MYH3: variants seen among roughly 807,000 people sequenced by gnomAD.
MYH3 encodes myosin heavy chain 3.
A neutral mutation model predicts 238.0 loss-of-function variants in MYH3; 130 were observed. The ratio of observed to expected loss-of-function variants is 0.55; its 90% CI spans 0.47 to 0.63. The LOEUF is 0.63. MYH3 is among the 30% of genes least tolerant of loss of function. The pLI is 0.00. For synonymous variants in MYH3, 880 were observed against 924.1 expected (o/e 0.95, Z 0.86); for missense variants, 1,853 against 2,374.9 (o/e 0.78, Z 4.57).
At chr17:10,677,427 A>G in the MYH3 span, 1 of 152,260 alleles carries the variant, frequency 6.6e-6, no homozygotes. Flanking sequence ...ACACATACAC[A>G]AAGATTTAAA....
rs144354717 is a variant in MYH3, at chr17:10,648,845, T to C, written c.643-196A>G. ...CATGCACTACCATGCCCGGCTAATTTTGTATTTTTAGTAGAGATGGGGTTT... is the reference window on the plus strand; with the variant it reads ...CATGCACTACCATGCCCGGCTAATTCTGTATTTTTAGTAGAGATGGGGTTT... On this transcript the variant is annotated intron_variant, in intron 7 of 40. Transcript: ENST00000583535. Among the ~76,000 whole-genome samples the C allele has an allele frequency of 1.8e-3, 269 of 152,178 alleles. 3 individuals are homozygous for C. The highest frequency in any genetic ancestry group is 5.9e-3 in the African/African-American group (244 of 41,514).
the MYH3 span, among the ~76,000 whole-genome samples, chr17:10,663,271 A>G: frequency 6.6e-6 from 1 of 152,208 alleles, no homozygotes; most frequent in Non-Finnish European, 1.5e-5. Context: ...ATATTCCTCC[A>G]AATGAACTGT....
chr17:10,633,612 C>G lies in MYH3; in HGVS notation c.4626G>C (p.Gln1542His), dbSNP rs778304936. The stretch of plus-strand genomic sequence containing the variant: ...TCACCTCTGCTTCCTCGAGAGCCAG[C>G]TGGATATCAGCCTTTTCCAGCTCAA... ...KQIELEKADIQLALEEAEAAL... is the reference protein window; with the variant it reads ...KQIELEKADIHLALEEAEAAL... The change falls in exon 33 of 41, where the codon CAG becomes CAC. Residue 1542 changes from glutamine to histidine, a missense_variant. Physicochemically the swap from Gln to His is conservative, Grantham distance 24. Coordinates refer to ENST00000583535, the MANE Select transcript of MYH3 (RefSeq NM_002470.4). 3 of 1,613,670 alleles carry G rather than the reference C, an allele frequency of 1.9e-6. No homozygotes were observed. The highest frequency in any genetic ancestry group is 8.5e-7 in the Non-Finnish European group (1 of 1,179,924).
chr17:10,638,930 T>C lies in MYH3; in HGVS notation c.3282A>G (p.Lys1094=). 1 of 1,614,212 alleles carries C rather than the reference T, an allele frequency of 6.2e-7. No homozygotes were observed. The highest frequency in any genetic ancestry group is 8.5e-7 in the Non-Finnish European group (1 of 1,180,034). ...KDFEYCQLQS[K]VEDEQTLGLQ... is the part of the protein sequence containing the mutation. ...GGCCCAGTGTCTGCTCATCTTCCAC[T>C]TTGCTTTGAAGTTGACAATATTCAA... The change falls in exon 26 of 41, where the codon AAA becomes AAG. Residue 1094 remains lysine (K), a synonymous_variant. Transcript: ENST00000583535.
In MYH3 at chr17:10,645,791, G is replaced by T; in HGVS notation, c.1057C>A (p.Leu353Met). Reference sequence around the variant, plus strand: ...CCGTAGTGCATCACGGCTCCCGTCAGCTTGTAGAGCCCAGATTTCTCTTCT... The same window carrying T: ...CCGTAGTGCATCACGGCTCCCGTCATCTTGTAGAGCCCAGATTTCTCTTCT... The part of the protein sequence containing the change: ...TPEEKSGLYK[L>M]TGAVMHYGNM... The change falls in exon 12 of 41, where the codon CTG becomes ATG. Residue 353 changes from leucine to methionine, a missense_variant. Leu to Met is a conservative substitution (Grantham distance 15). Around this residue, in one of 3 missense-constraint regions of MYH3, gnomAD observed 678 missense variants for 1,058.9 expected, o/e 0.64. Transcript: ENST00000583535. 6.2e-7 allele frequency: 1 copy of T among 1,613,898 alleles called. No individual in the cohort carries two copies. Among genetic ancestry groups the T allele is most frequent in the Non-Finnish European group, 8.5e-7 (1 of 1,180,022 alleles).
chr17:10,649,457 C>T, intron 7 of MYH3, 120 bp downstream of exon 7: 1 of 847,752 alleles, frequency 1.2e-6, no homozygotes, highest in East Asian at 2.5e-5. Flanking sequence ...GATAGTAAAT[C>T]CTAGCCTGTT....
chr17:10,656,900 C>G (rs904657807), intron 1 of MYH3, among the ~76,000 whole-genome samples: 1 of 152,116 alleles, frequency 6.6e-6, no homozygotes, highest in Admixed American at 6.6e-5. Context: ...AAGGTGAGGG[C>G]AGAGTGAGGT....
chr17:10,631,658 T>C lies in MYH3; in HGVS notation c.5239A>G (p.Arg1747Gly), dbSNP rs777984440. The C allele has an allele frequency of 3.1e-6, 5 of 1,614,214 alleles. No individual in the cohort carries two copies. In the Middle Eastern group the frequency reaches 6.6e-4, roughly 213 times the overall value. The part of the protein sequence containing the change: ...QLQSEVEDAS[R>G]DARNAEEKAK... ...TTCTCCTCAGCGTTCCTTGCATCCCTGCTGGCATCTTCTACCTCACTCTGG... is the reference window on the plus strand; with the variant it reads ...TTCTCCTCAGCGTTCCTTGCATCCCCGCTGGCATCTTCTACCTCACTCTGG... The change falls in exon 36 of 41, where the codon AGG becomes GGG. Residue 1747 changes from arginine to glycine, a missense_variant. Physicochemically the swap from Arg to Gly is moderately radical, Grantham distance 125 (BLOSUM62 -2). Coordinates refer to ENST00000583535, the MANE Select transcript of MYH3 (RefSeq NM_002470.4).
chr17:10,639,949 CAA>C, intron 22 of MYH3, 45 bp downstream of exon 22: 2 of 1,588,104 alleles, frequency 1.3e-6, no homozygotes, highest in Non-Finnish European at 8.5e-7. Flanking sequence ...AATAAATAAT[CAA>C]ATCTAGAAGA....
chr17:10,649,263 A>C (rs2074352285), intron 7 of MYH3, among the ~76,000 whole-genome samples: 1 of 152,210 alleles, frequency 6.6e-6, no homozygotes, highest in African/African-American at 2.4e-5. Flanking sequence ...AAAGCCCAGG[A>C]TATGCTGTGA....
Position 10,645,737 on chromosome 17 carries a change from C to T in MYH3, c.1111G>A (p.Glu371Lys). The T allele has an allele frequency of 6.2e-7, 1 of 1,613,478 alleles. No individual in the cohort carries two copies. ...GTGCCATCCGGCTCGGCCTGCTCCT[C>T]TCGCTGCTTCTGCTTGAACTTCATG... ...GNMKFKQKQR[E>K]EQAEPDGTEV... Residue 371 changes from glutamate (E) to lysine (K), a missense_variant, in exon 12 of 41, where the codon GAG becomes AAG. This residue lies in a region of MYH3 where 678 missense variants were observed against 1,058.9 expected (regional missense o/e 0.64). Transcript: ENST00000583535.
chr17:10,638,751 G>A (rs917698758), intron 26 of MYH3, 122 bp downstream of exon 26: 2 of 996,474 alleles, frequency 2.0e-6, no homozygotes, highest in East Asian at 5.1e-5. Context: ...CTAGCAGAAA[G>A]GGAACCATGA....
intron 7 of MYH3, 119 bp downstream of exon 7, chr17:10,649,458 C>T: frequency 1.2e-6 from 1 of 850,692 alleles, no homozygotes; most frequent in Non-Finnish European, 2.0e-6. Flanking sequence ...ATAGTAAATC[C>T]TAGCCTGTTC....
intron 28 of MYH3, among the ~76,000 whole-genome samples, chr17:10,637,302 C>T (rs541990004): frequency 1.3e-4 from 20 of 152,168 alleles, no homozygotes; most frequent in South Asian, 8.3e-4. Flanking sequence ...TCAGGTGATC[C>T]GCCCGCCTCG....
rs760891141 is a variant in MYH3, at chr17:10,645,851, A to T, written c.1003-6T>A. 3 of 1,613,956 alleles carry T rather than the reference A, an allele frequency of 1.9e-6. No homozygotes were observed. In the South Asian group the frequency reaches 3.3e-5, roughly 18 times the overall value. On this transcript the variant is annotated splice_region_variant and splice_polypyrimidine_tract_variant and intron_variant, in intron 11 of 40. Transcript: ENST00000583535. ...CCCAGGATGTCAATGGCGCTCTGGC[A>T]TGGAAAGGGCAGCACGTCAGTCAGT... is the stretch of plus-strand genomic sequence containing the variant.
chr17:10,661,088 T>C (rs1234391717), upstream of MYH3, among the ~76,000 whole-genome samples: 1 of 151,690 alleles, frequency 6.6e-6, no homozygotes, highest in Non-Finnish European at 1.5e-5. Flanking sequence ...GCAATTCTCC[T>C]GCCTTAGCCT....
rs776904877 is a variant in MYH3, at chr17:10,630,373, A to G, written c.5372T>C (p.Val1791Ala). 8 of 1,613,802 alleles carry G rather than the reference A, an allele frequency of 5.0e-6. No individual in the cohort carries two copies. In the Admixed American group the frequency reaches 1.3e-4, roughly 27 times the overall value. ...ERMKKNLEQT[V>A]KDLQHRLDEA... Reference sequence around the variant, plus strand: ...ATCTAGACGATGCTGCAGGTCCTTCACCGTCTGTTCCAGGTTCTTCTTCAT... The same window carrying G: ...ATCTAGACGATGCTGCAGGTCCTTCGCCGTCTGTTCCAGGTTCTTCTTCAT... The change falls in exon 37 of 41, where the codon GTG becomes GCG. Residue 1791 changes from valine (V) to alanine (A), a missense_variant. By Grantham distance (64) the Val-to-Ala change is moderately conservative (BLOSUM62 0). This residue lies in a region of MYH3 where 1,044 missense variants were observed against 1,192.6 expected (regional missense o/e 0.88). Coordinates refer to ENST00000583535, the MANE Select transcript of MYH3 (RefSeq NM_002470.4).
At chr17:10,664,062 TAAA>T in the MYH3 span, among the ~76,000 whole-genome samples, 45 of 63,346 alleles carry the variant, frequency 7.1e-4, no homozygotes, top group African/African-American at 2.0e-3. Context: ...GACTCCGTCT[TAAA>T]AAAAAAAAAA....
intron 19 of MYH3, 118 bp from the exon 20 acceptor site, chr17:10,640,804 A>T: frequency 1.5e-6 from 2 of 1,325,814 alleles, no homozygotes; most frequent in Non-Finnish European, 2.1e-6. Flanking sequence ...GAGATGAGGG[A>T]ACTAGCTCGG....
Sources: gnomAD v4.1 joint callset for allele counts (sites outside exome capture counted in the v4.1 genomes callset) on GRCh38, gnomAD v4.1.1 for gene constraint, gnomAD v4.1.1 regional missense constraint, MANE v1.5 for transcripts, NCBI Gene and HGNC (gene_info 2026-07-23, HGNC 2026-07-21) for gene names.